Variants in LMOD3 observed in about 807,000 individuals in gnomAD.
LMOD3 encodes leiomodin 3.
LMOD3 carries 31 observed loss-of-function variants against 41.8 expected under a neutral mutation model. The ratio of observed to expected loss-of-function variants is 0.74; its 90% confidence interval spans 0.56 to 1.00. The LOEUF is 1.00. Ranked by LOEUF, LMOD3 falls within the 50% of genes least tolerant of loss-of-function variation. The pLI is 0.00. For missense variants in LMOD3, 755 were observed against 679.5 expected (o/e 1.11, Z -1.23); for synonymous variants, 292 against 241.9 (o/e 1.21, Z -1.92).
At chr3:69,109,469 A>T (rs1700832009) in intron 2 of LMOD3, among the ~76,000 whole-genome samples, 1 of 151,512 alleles carries the variant, frequency 6.6e-6, no homozygotes, top group Non-Finnish European at 1.5e-5. Flanking sequence ...AATGATAATA[A>T]CAGTATCTAA....
At chr3:69,121,105 C>T (rs182982062) in intron 1 of LMOD3, among the ~76,000 whole-genome samples, 1 of 152,232 alleles carries the variant, frequency 6.6e-6, no homozygotes, top group Admixed American at 6.5e-5. Context: ...CAAGTTATAC[C>T]AGAGGAAGGA....
intron 2 of LMOD3, among the ~76,000 whole-genome samples, chr3:69,114,474 C>A (rs959679671): frequency 6.6e-6 from 1 of 152,072 alleles, no homozygotes; most frequent in African/African-American, 2.4e-5. Context: ...TTCAGGTATC[C>A]CAGGCCAGAA....
At position 69,119,592 on chromosome 3, in the gene LMOD3, T is replaced by C. The variant is rs770647225; in HGVS notation, c.763A>G (p.Met255Val). 4 of 1,613,824 alleles carry C rather than the reference T, an allele frequency of 2.5e-6. No individual in the cohort carries two copies. Among genetic ancestry groups the C allele is most frequent in the East Asian group, 2.2e-5 (1 of 44,888 alleles). ...LRRVRKNDPDMKELNLNNIEN... is the reference protein window; with the variant it reads ...LRRVRKNDPDVKELNLNNIEN... Reference sequence around the variant, plus strand: ...ATGTTGTTCAGGTTGAGTTCCTTCATGTCAGGATCATTTTTCCTAACTCTC... The same window carrying C: ...ATGTTGTTCAGGTTGAGTTCCTTCACGTCAGGATCATTTTTCCTAACTCTC... The change falls in exon 2 of 3, where the codon ATG (methionine) becomes GTG (valine). Residue 255 changes from methionine to valine, a missense_variant. Transcript: ENST00000420581.
chr3:69,112,364 A>G (rs896962137), intron 2 of LMOD3, among the ~76,000 whole-genome samples: 1 of 152,262 alleles, frequency 6.6e-6, no homozygotes, highest in African/African-American at 2.4e-5. Flanking sequence ...GTGGATGTCC[A>G]GGACAGAGAT....
At chr3:69,116,938 A>G (rs920460182) in intron 2 of LMOD3, among the ~76,000 whole-genome samples, 10 of 152,176 alleles carry the variant, frequency 6.6e-5, no homozygotes, top group African/African-American at 2.4e-4. Context: ...ATTTTTTCAA[A>G]AGACGTCTCA....
At position 69,111,362 on chromosome 3, in the gene LMOD3, T is replaced by A. The variant is rs557509024; in HGVS notation, c.1657-2241A>T. ...GCCAAACTTTGAGAAGAGAGGGGTA[T>A]GACTGCACCCTGCAGGGCTCTCCCA... On this transcript the variant is annotated intron_variant, in intron 2 of 2. Coordinates refer to ENST00000420581, the MANE Select transcript of LMOD3 (RefSeq NM_198271.5). Among the ~76,000 whole-genome samples the A allele has an allele frequency of 2.0e-5, 3 of 152,344 alleles. No individual in the cohort carries two copies. The East Asian group carries it at 5.8e-4, about 29-fold the overall frequency.
chr3:69,121,378 G>C (rs925682807), intron 1 of LMOD3, among the ~76,000 whole-genome samples: 1 of 152,020 alleles, frequency 6.6e-6, no homozygotes, highest in African/African-American at 2.4e-5. Flanking sequence ...ATAACCTAAA[G>C]AGACTTTACC....
chr3:69,117,235 G>T (rs535522133), intron 2 of LMOD3, among the ~76,000 whole-genome samples: 4 of 152,216 alleles, frequency 2.6e-5, no homozygotes, highest in Non-Finnish European at 5.9e-5. Context: ...AATCATAGAT[G>T]AAAGTCAGCT....
Position 69,122,076 on chromosome 3 carries a change from C to T in LMOD3, c.294+17G>A, listed in dbSNP as rs192602600. ...CCCAGGCAGCCATTTCTCGGTTGTA[C>T]ACAAATCTCTGGTTACCTCGGATTT... On this transcript the variant is annotated intron_variant, in intron 1 of 2. Transcript: ENST00000420581. 1,032 of 1,602,156 alleles carry T rather than the reference C, an allele frequency of 6.4e-4. 1 individual carries two copies. Among genetic ancestry groups the T allele is most frequent in the Non-Finnish European group, 7.5e-4 (877 of 1,172,950 alleles).
At position 69,122,273 on chromosome 3, in the gene LMOD3, T is replaced by C. The variant is rs2107528263; in HGVS notation, c.114A>G (p.Glu38=). 6.2e-7 allele frequency: 1 copy of C among 1,613,670 alleles called. No individual in the cohort carries two copies. ...TGGGGTCAGGGGCCATGACTTCCATTTCCGACTGCAGTTCTTTCAGTTCTT... is the reference window on the plus strand; with the variant it reads ...TGGGGTCAGGGGCCATGACTTCCATCTCCGACTGCAGTTCTTTCAGTTCTT... ...SAEELKELQS[E]MEVMAPDPSL... Residue 38 remains glutamate (E), a synonymous_variant, in exon 1 of 3, where the codon GAA becomes GAG. Coordinates refer to ENST00000420581, the MANE Select transcript of LMOD3 (RefSeq NM_198271.5).
rs1559658151 is a variant in LMOD3 at position 69,110,856 on chromosome 3, AT to A, written c.1657-1736del. On this transcript the variant is annotated intron_variant, in intron 2 of 2. Transcript: ENST00000420581. Reference sequence around the variant, plus strand: ...ACCATCTCAAAAAAAAAAAAAAAATATATATATATATATATATATATTTAAA... The same window carrying A: ...ACCATCTCAAAAAAAAAAAAAAAATAATATATATATATATATATATTTAAA... Among the ~76,000 whole-genome samples the A allele has an allele frequency of 7.8e-3, 929 of 119,004 alleles. 16 individuals carry two copies. The highest frequency in any genetic ancestry group is 0.029 in the African/African-American group (867 of 29,726). 78.1% of individuals were successfully genotyped at this position (119,004 alleles called of 152,430 possible).
chr3:69,109,663 G>C (rs906793226), intron 2 of LMOD3, among the ~76,000 whole-genome samples: 3 of 151,466 alleles, frequency 2.0e-5, no homozygotes, highest in African/African-American at 7.3e-5. Flanking sequence ...AAGTAGCTTG[G>C]ATTACAGGCA....
chr3:69,113,310 G>C (rs1371888995), intron 2 of LMOD3, among the ~76,000 whole-genome samples: 2 of 152,192 alleles, frequency 1.3e-5, no homozygotes, highest in Admixed American at 6.5e-5. Context: ...TAAAGGGAAA[G>C]GGAGATTTGG....
At chr3:69,115,243 A>G (rs2092366084) in intron 2 of LMOD3, among the ~76,000 whole-genome samples, 1 of 152,130 alleles carries the variant, frequency 6.6e-6, no homozygotes, top group African/African-American at 2.4e-5. Flanking sequence ...CCACTTTGGG[A>G]GGCTGAAGCG....
chr3:69,120,735 C>A (rs1292852578), intron 1 of LMOD3, among the ~76,000 whole-genome samples: 1 of 151,986 alleles, frequency 6.6e-6, no homozygotes, highest in Non-Finnish European at 1.5e-5. Context: ...GACAAGTTTA[C>A]TATCCCAGTT....
rs770422369 is a variant in LMOD3 at position 69,119,212 on chromosome 3, A to T, written c.1143T>A (p.Gly381=). ...GCAGATTAGTGACCACCATTCTGGG[A>T]CCCGGAAGCTCAAAATGGTAGCCCA... The part of the protein sequence containing the change: ...LKMGYHFELP[G]PRMVVTNLLT... Residue 381 remains glycine (G), a synonymous_variant, in exon 2 of 3, where the codon GGT becomes GGA. Coordinates refer to ENST00000420581, the MANE Select transcript of LMOD3 (RefSeq NM_198271.5). 5.0e-6 allele frequency: 8 copies of T among 1,613,838 alleles called. No individual in the cohort carries two copies. Among genetic ancestry groups the T allele is most frequent in the Non-Finnish European group, 6.8e-6 (8 of 1,179,880 alleles).
intron 2 of LMOD3, among the ~76,000 whole-genome samples, chr3:69,114,736 G>A (rs1026587198): frequency 3.3e-5 from 5 of 152,104 alleles, no homozygotes; most frequent in African/African-American, 1.2e-4. Flanking sequence ...CAAACTCCTG[G>A]CCTCAAGTGA....
rs1232952309 is a variant in LMOD3 at position 69,109,170 on chromosome 3, T to C, written c.1657-49A>G. 5.1e-6 allele frequency: 8 copies of C among 1,567,708 alleles called. No homozygotes were observed. In the Admixed American group the frequency reaches 1.5e-4, roughly 29 times the overall value. On this transcript the variant is annotated intron_variant, in intron 2 of 2. Transcript: ENST00000420581. ...ACGGGGGAAATTAATCCTGGAAATTTAAGAGCTTTGCAGCAAAATTTACAA... is the reference window on the plus strand; with the variant it reads ...ACGGGGGAAATTAATCCTGGAAATTCAAGAGCTTTGCAGCAAAATTTACAA...
At chr3:69,117,840 T>A (rs541445800) in intron 2 of LMOD3, among the ~76,000 whole-genome samples, 4 of 151,644 alleles carry the variant, frequency 2.6e-5, no homozygotes, top group Non-Finnish European at 5.9e-5. Flanking sequence ...GTGGTTTTTT[T>A]TTTTTTTTTT....
Sources: allele counts gnomAD v4.1 joint callset (sites outside exome capture counted in the v4.1 genomes callset), GRCh38; gene constraint gnomAD v4.1.1; transcripts MANE v1.5; gene names NCBI Gene and HGNC (gene_info 2026-07-23, HGNC 2026-07-21).